Variants in COLEC12 observed in about 807,000 individuals in gnomAD.
COLEC12 encodes collectin-12.
COLEC12 carries 33 observed loss-of-function variants against 71.1 expected under a neutral mutation model. That is an observed-to-expected ratio of 0.46 (90% CI 0.35 to 0.62). COLEC12 has a LOEUF of 0.62. Ranked by LOEUF, COLEC12 falls within the 20% of genes least tolerant of loss-of-function variation. COLEC12 has a pLI of 0.00. For synonymous variants in COLEC12, 350 were observed against 353.0 expected, an observed-to-expected ratio of 0.99 and a Z score of 0.10; for missense variants, 765 against 916.1, an observed-to-expected ratio of 0.84 and a Z score of 2.13.
intron 2 of COLEC12, among the ~76,000 whole-genome samples, chr18:397,879 T>G (rs763906681): frequency 1.3e-5 from 2 of 152,180 alleles, no homozygotes; most frequent in African/African-American, 4.8e-5. Flanking sequence ...GGAAAAAATG[T>G]AAAGGATTTT....
intron 1 of COLEC12, among the ~76,000 whole-genome samples, chr18:482,452 G>A (rs1200471673): frequency 6.6e-6 from 1 of 151,756 alleles, no homozygotes; most frequent in Admixed American, 6.6e-5. Flanking sequence ...CCAAAGCCAG[G>A]CCTTTCTAGG....
At chr18:333,264 A>C in intron 6 of COLEC12, 121 bp from the exon 7 acceptor site, 1 of 773,344 alleles carries the variant, frequency 1.3e-6, no homozygotes, top group East Asian at 2.6e-5. Context: ...GCGTCCCTGC[A>C]CGAGGCCCAC....
chr18:343,574 T>C (rs1032224212), intron 5 of COLEC12, among the ~76,000 whole-genome samples: 2 of 151,922 alleles, frequency 1.3e-5, no homozygotes, highest in East Asian at 1.9e-4. Flanking sequence ...ACACCTTGCT[T>C]AAAACCTCCC....
intron 8 of COLEC12, among the ~76,000 whole-genome samples, chr18:329,408 G>A (rs533094211): frequency 7.2e-5 from 11 of 152,066 alleles, no homozygotes; most frequent in Admixed American, 1.3e-4. Flanking sequence ...AGACCCCGGC[G>A]CTCTTGGCTG....
At chr18:348,012 G>T in intron 4 of COLEC12, 53 bp downstream of exon 4, 2 of 1,169,502 alleles carry the variant, frequency 1.7e-6, no homozygotes, top group Non-Finnish European at 2.5e-6. Flanking sequence ...AAGAAGCTGT[G>T]GTCATTTATG....
rs1917803441 is a variant in COLEC12 at position 500,538 on chromosome 18, G to A, written c.-24C>T. 1 of 1,224,140 alleles carries A rather than the reference G, an allele frequency of 8.2e-7. No individual in the cohort carries two copies. The highest frequency in any genetic ancestry group is 1.0e-6 in the Non-Finnish European group (1 of 983,126). The allele number at this position is 1,224,140 out of a possible 1,614,324, so 75.8% of individuals were successfully genotyped here. A position where few individuals can be genotyped will look rare whatever the true frequency, so the allele number is the denominator to read the frequency against. On this transcript the variant is annotated 5_prime_UTR_variant, in exon 1 of 10. Transcript: ENST00000400256. The surrounding 1 kb of genome is among the most constrained non-coding windows in gnomAD (Gnocchi z 5.3). Reference sequence around the variant, plus strand: ...ATGGTGACCGTGGGGACGCACCGCCGGCCGGGGAGCTCCGCGCGAGCGCCG... The same window carrying A: ...ATGGTGACCGTGGGGACGCACCGCCAGCCGGGGAGCTCCGCGCGAGCGCCG...
rs530576337 is a variant in COLEC12, at chr18:428,933, T to C, written c.58+51774A>G. ...AAAGGGGCTTTTATAAAAGGTATTT[T>C]TTAACCAGATGGAAGGCTTTACTTT... On this transcript the variant is annotated intron_variant, in intron 2 of 9. Transcript: ENST00000400256. Among the ~76,000 whole-genome samples, 24 of 152,358 alleles carry C rather than the reference T, an allele frequency of 1.6e-4. No homozygotes were observed. In the South Asian group the frequency reaches 4.6e-3, roughly 29 times the overall value.
Position 348,048 on chromosome 18 carries a change from G to C in COLEC12, c.280+17C>G, listed in dbSNP as rs1409504703. 2 of 1,548,838 alleles carry C rather than the reference G, an allele frequency of 1.3e-6. No individual in the cohort carries two copies. Among genetic ancestry groups the C allele is most frequent in the African/African-American group, 2.7e-5 (2 of 73,150 alleles). ...TAGAGTCAGGGGATTTCATGGTTTA[G>C]TCTTGTCACAGATTACCTAATTTTT... On this transcript the variant is annotated intron_variant, in intron 4 of 9. Coordinates refer to ENST00000400256, the MANE Select transcript of COLEC12 (RefSeq NM_130386.3).
chr18:440,871 A>G (rs1410198379), intron 2 of COLEC12, among the ~76,000 whole-genome samples: 1 of 152,158 alleles, frequency 6.6e-6, no homozygotes, highest in African/African-American at 2.4e-5. Context: ...GAAAGTTTCA[A>G]ATACTCACAA....
chr18:391,440 G>A (rs1172630883), intron 2 of COLEC12, among the ~76,000 whole-genome samples: 1 of 152,130 alleles, frequency 6.6e-6, no homozygotes, highest in African/African-American at 2.4e-5. Flanking sequence ...CATGTGTTGT[G>A]GTACCAGGTC....
chr18:340,897 C>G (rs1914236177), intron 5 of COLEC12, among the ~76,000 whole-genome samples: 1 of 152,328 alleles, frequency 6.6e-6, no homozygotes, highest in South Asian at 2.1e-4. Flanking sequence ...ACCTTGTCCA[C>G]AGAGGAGGGT....
intron 5 of COLEC12, among the ~76,000 whole-genome samples, chr18:341,969 T>C (rs569517491): frequency 6.6e-6 from 1 of 152,256 alleles, no homozygotes; most frequent in Non-Finnish European, 1.5e-5. Context: ...GAGTGATCTT[T>C]GTACCTAGAA....
intron 2 of COLEC12, among the ~76,000 whole-genome samples, chr18:469,730 C>A (rs1917156476): frequency 6.6e-6 from 1 of 152,144 alleles, no homozygotes. Flanking sequence ...ATGTGGATCC[C>A]TGACACCCTA....
At chr18:364,572 C>T (rs1914816563) in intron 2 of COLEC12, among the ~76,000 whole-genome samples, 1 of 152,214 alleles carries the variant, frequency 6.6e-6, no homozygotes, top group Non-Finnish European at 1.5e-5. Flanking sequence ...CACTACCATA[C>T]AATGTCCTTC....
intron 2 of COLEC12, among the ~76,000 whole-genome samples, chr18:436,024 A>G (rs1916396530): frequency 1.3e-5 from 2 of 152,212 alleles, no homozygotes; most frequent in Admixed American, 1.3e-4. Flanking sequence ...AGAATCTGTG[A>G]CTAATGGGCA....
At chr18:419,764 C>T (rs1916060204) in intron 2 of COLEC12, among the ~76,000 whole-genome samples, 1 of 152,110 alleles carries the variant, frequency 6.6e-6, no homozygotes, top group African/African-American at 2.4e-5. Flanking sequence ...TTTGCTATTC[C>T]CCTCATTAAG....
At chr18:320,576 T>C (rs1222700754) in intron 9 of COLEC12, among the ~76,000 whole-genome samples, 2 of 152,244 alleles carry the variant, frequency 1.3e-5, no homozygotes, top group African/African-American at 4.8e-5. Context: ...TGTTTTTATA[T>C]GAACAGCTTT....
chr18:348,957 T>C (rs1409945206), intron 3 of COLEC12, among the ~76,000 whole-genome samples: 6 of 152,174 alleles, frequency 3.9e-5, no homozygotes, highest in African/African-American at 1.4e-4. Flanking sequence ...GGGAGATAAT[T>C]TGAATAATGG....
Position 335,136 on chromosome 18 carries a change from C to T in COLEC12, c.1422G>A (p.Glu474=). ...CACCCGCAGGGCCAGGTGGTCCAGG[C>T]TCCCCCTTCTCTCCTTTCTGTCCCT... ...GNKGQKGEKG[E]PGPPGPAGER... The change falls in exon 6 of 10, where the codon GAG becomes GAA. Residue 474 remains glutamate, a synonymous_variant. Transcript: ENST00000400256. 2 of 1,613,042 alleles carry T rather than the reference C, an allele frequency of 1.2e-6. No individual in the cohort carries two copies. The highest frequency in any genetic ancestry group is 1.1e-5 in the South Asian group (1 of 91,054).
Sources: allele counts gnomAD v4.1 joint callset (sites outside exome capture counted in the v4.1 genomes callset), GRCh38; gene constraint gnomAD v4.1.1; non-coding constraint Gnocchi (gnomAD v3.1); transcripts MANE v1.5; gene names NCBI Gene and HGNC (gene_info 2026-07-23, HGNC 2026-07-21).